The following MYO3A variants were observed in gnomAD, a reference collection of about 807,000 sequenced individuals.
The protein encoded by MYO3A is myosin IIIA.
A neutral mutation model predicts 192.7 loss-of-function variants in MYO3A; 180 were observed. That is an observed-to-expected ratio of 0.93 (90% CI 0.83 to 1.06). The LOEUF (loss-of-function observed/expected upper bound fraction) is 1.06, where lower values mean the gene tolerates loss of function less well. MYO3A is among the 50% of genes least tolerant of loss of function. MYO3A has a pLI of 0.00. For missense variants in MYO3A, 1,896 were observed against 1,905.0 expected, an observed-to-expected ratio of 1.00 and a Z score of 0.09; for synonymous variants, 628 against 645.3, an observed-to-expected ratio of 0.97 and a Z score of 0.41.
rs71401880 is a variant in MYO3A at position 26,201,524 on chromosome 10, C to CA, written c.4586+231dup. On this transcript the variant is annotated intron_variant, in intron 33 of 34. Transcript: ENST00000642920. ...TGAAACCCCGTCTCTACTAAAAATA[C>CA]AAAAAAAAAAAATTAGCCGGGCGTA... Among the ~76,000 whole-genome samples the CA allele has an allele frequency of 0.04, 5,683 of 143,330 alleles. 221 individuals are homozygous for CA. The highest frequency in any genetic ancestry group is 0.1 in the African/African-American group (3,931 of 39,410). The allele number at this position is 143,330 out of a possible 152,430, so 94.0% of individuals were successfully genotyped here.
At chr10:26,146,980 A>G (rs7091566) in intron 22 of MYO3A, among the ~76,000 whole-genome samples, 62,880 of 151,864 alleles carry the variant, frequency 0.41, 13,197 homozygotes, top group Middle Eastern at 0.52. Flanking sequence ...ATTATTTAGA[A>G]GTGCCAGAAA....
chr10:26,017,721 G>A (rs1166823199), intron 7 of MYO3A, among the ~76,000 whole-genome samples: 1 of 151,606 alleles, frequency 6.6e-6, no homozygotes, highest in African/African-American at 2.4e-5. Flanking sequence ...GACAGAGAAT[G>A]AAGTATTTTA....
In MYO3A at chr10:26,120,530, A is replaced by C. The variant is rs1421727248; in HGVS notation, c.1777-146A>C. The C allele has an allele frequency of 2.9e-6, 3 of 1,025,244 alleles. No homozygotes were observed. The East Asian group carries it at 7.3e-5, about 25-fold the overall frequency. The allele number at this position is 1,025,244 out of a possible 1,614,324, so 63.5% of individuals were successfully genotyped here. The stretch of plus-strand genomic sequence containing the variant: ...TAAAATAATGAATGAGGCTGAGCCT[A>C]CTTGGATCTCAGTGTGGCGTCATCA... On this transcript the variant is annotated intron_variant, in intron 17 of 34. Transcript: ENST00000642920.
chr10:26,045,814 A>G (rs1212174714), intron 10 of MYO3A, among the ~76,000 whole-genome samples: 2 of 152,154 alleles, frequency 1.3e-5, no homozygotes, highest in East Asian at 3.9e-4. Context: ...ATTGCAGATC[A>G]TAAGACCCAC....
intron 21 of MYO3A, 147 bp downstream of exon 21, chr10:26,143,748 T>A: frequency 2.1e-6 from 2 of 937,648 alleles, no homozygotes; most frequent in Non-Finnish European, 3.3e-6. Context: ...CCTTTGGATT[T>A]AATACCTGGA....
chr10:26,109,437 C>T (rs905291058), intron 17 of MYO3A, among the ~76,000 whole-genome samples: 1 of 152,216 alleles, frequency 6.6e-6, no homozygotes, highest in Admixed American at 6.5e-5. Context: ...TCCTTCCATG[C>T]TGGTAAATGA....
chr10:26,031,001 A>C (rs1259980814), intron 10 of MYO3A, among the ~76,000 whole-genome samples: 2 of 152,224 alleles, frequency 1.3e-5, no homozygotes, highest in African/African-American at 4.8e-5. Context: ...GTTAAAATTG[A>C]CAATGTTAGA....
chr10:26,117,865 G>C (rs866069348), intron 17 of MYO3A, among the ~76,000 whole-genome samples: 3 of 152,230 alleles, frequency 2.0e-5, no homozygotes, highest in Middle Eastern at 3.4e-3. Context: ...CCCAGTAATG[G>C]AATTGCTGGG....
In MYO3A at chr10:26,158,257, T is replaced by A. The variant is rs1055081124; in HGVS notation, c.2999+742T>A. Reference sequence around the variant, plus strand: ...GGTATAAGGAATGTTTTATTTTATTTTTTTTTTTTTTTTGAGACGGAGTCT... The same window carrying A: ...GGTATAAGGAATGTTTTATTTTATTATTTTTTTTTTTTTGAGACGGAGTCT... On this transcript the variant is annotated intron_variant, in intron 26 of 34. Coordinates refer to ENST00000642920, the MANE Select transcript of MYO3A (RefSeq NM_017433.5). Among the ~76,000 whole-genome samples the A allele has an allele frequency of 4.8e-5, 7 of 145,456 alleles. No individual in the cohort carries two copies. The South Asian group carries it at 1.4e-3, about 28-fold the overall frequency.
chr10:26,067,111 G>T, intron 11 of MYO3A, 37 bp downstream of exon 11: 1 of 1,330,722 alleles, frequency 7.5e-7, no homozygotes, highest in Non-Finnish European at 1.1e-6. Flanking sequence ...AGACATTCCA[G>T]ATGTTTTGTT....
intron 2 of MYO3A, among the ~76,000 whole-genome samples, chr10:25,943,768 TTGTGTGTG>T (rs58905708): frequency 0.012 from 1,772 of 142,674 alleles, 19 homozygotes; most frequent in Non-Finnish European, 0.018. Flanking sequence ...GTTCTAACAT[TTGTGTGTG>T]TGTGTGTGTG....
At chr10:26,126,792 A>C (rs540463158) in intron 19 of MYO3A, among the ~76,000 whole-genome samples, 10 of 152,214 alleles carry the variant, frequency 6.6e-5, no homozygotes, top group African/African-American at 2.2e-4. Flanking sequence ...ACTGTAGCCT[A>C]TGTACTAAAT....
chr10:26,171,402 C>T (rs1300483380), intron 29 of MYO3A, among the ~76,000 whole-genome samples: 1 of 152,126 alleles, frequency 6.6e-6, no homozygotes, highest in Non-Finnish European at 1.5e-5. Flanking sequence ...CCACATCTAA[C>T]GTTCTCTTCA....
intron 4 of MYO3A, among the ~76,000 whole-genome samples, chr10:25,964,678 CTAT>C (rs1374786965): frequency 1.3e-5 from 2 of 152,142 alleles, no homozygotes; most frequent in Admixed American, 1.3e-4. Context: ...CTGTGTACTA[CTAT>C]TACCAGTAAG....
At chr10:25,990,981 A>C (rs1839990546) in intron 4 of MYO3A, among the ~76,000 whole-genome samples, 1 of 152,126 alleles carries the variant, frequency 6.6e-6, no homozygotes, top group Non-Finnish European at 1.5e-5. Context: ...ATATGTGTGC[A>C]TGTGTCTTTA....
At chr10:26,147,048 G>A (rs1840505654) in intron 22 of MYO3A, among the ~76,000 whole-genome samples, 1 of 152,132 alleles carries the variant, frequency 6.6e-6, no homozygotes, top group South Asian at 2.1e-4. Flanking sequence ...ATCTATCATG[G>A]CCAATTCAAC....
intron 6 of MYO3A, among the ~76,000 whole-genome samples, chr10:26,013,246 C>T (rs1303873333): frequency 6.6e-6 from 1 of 152,014 alleles, no homozygotes; most frequent in Non-Finnish European, 1.5e-5. Context: ...ACCCCAAAAG[C>T]AAATGCAACA....
At chr10:26,162,625 T>A (rs1292893472) in intron 26 of MYO3A, among the ~76,000 whole-genome samples, 1 of 152,238 alleles carries the variant, frequency 6.6e-6, no homozygotes, top group Non-Finnish European at 1.5e-5. Flanking sequence ...ACAAGACTTC[T>A]TTATAAAGTC....
At chr10:26,107,234 C>A (rs2131619439) in intron 17 of MYO3A, among the ~76,000 whole-genome samples, 1 of 152,280 alleles carries the variant, frequency 6.6e-6, no homozygotes. Context: ...GTAATCCCAG[C>A]ACTTTGGGAG....
Sources: gnomAD v4.1 joint callset for allele counts (sites outside exome capture counted in the v4.1 genomes callset) on GRCh38, gnomAD v4.1.1 for gene constraint, MANE v1.5 for transcripts, NCBI Gene and HGNC (gene_info 2026-07-23, HGNC 2026-07-21) for gene names.